The following ADAMTS18 variants were observed in gnomAD, a reference collection of about 807,000 sequenced individuals.
ADAMTS18 encodes ADAM metallopeptidase with thrombospondin type 1 motif 18, also known as A disintegrin and metalloproteinase with thrombospondin motifs 18.
In ADAMTS18, 157 loss-of-function variants were observed where a neutral mutation model predicts 165.9. The observed-to-expected ratio is 0.95, with a 90% CI of 0.83 to 1.08. The LOEUF is 1.08. Ranked by LOEUF, ADAMTS18 falls within the 50% of genes least tolerant of loss-of-function variation. The pLI is 0.00. For synonymous variants in ADAMTS18, 782 were observed against 578.2 expected, an observed-to-expected ratio of 1.35 and a Z score of -5.06; for missense variants, 2,040 against 1,534.0, an observed-to-expected ratio of 1.33 and a Z score of -5.51.
intron 3 of ADAMTS18, among the ~76,000 whole-genome samples, chr16:77,403,551 T>A (rs1317279082): frequency 1.3e-5 from 2 of 152,108 alleles, no homozygotes; most frequent in African/African-American, 4.8e-5. Flanking sequence ...TAAAAGTCAA[T>A]AGTAATAGTT....
chr16:77,320,207 T>TA, intron 15 of ADAMTS18, 114 bp from the exon 16 acceptor site: 1 of 1,272,606 alleles, frequency 7.9e-7, no homozygotes. Flanking sequence ...TTTAAATCAT[T>TA]ATCTAAATTC....
intron 11 of ADAMTS18, among the ~76,000 whole-genome samples, chr16:77,337,178 A>G (rs936668694): frequency 6.6e-6 from 1 of 152,196 alleles, no homozygotes; most frequent in Non-Finnish European, 1.5e-5. Context: ...ATGAAACCAT[A>G]TAACACTATT....
At chr16:77,375,345 G>T (rs890983379) in intron 3 of ADAMTS18, among the ~76,000 whole-genome samples, 1 of 151,930 alleles carries the variant, frequency 6.6e-6, no homozygotes, top group Non-Finnish European at 1.5e-5. Context: ...TCGCACCACC[G>T]CACTCCGGCC....
intron 22 of ADAMTS18, 70 bp downstream of exon 22, chr16:77,289,194 C>T: frequency 2.5e-6 from 4 of 1,579,494 alleles, no homozygotes; most frequent in South Asian, 1.1e-5. Flanking sequence ...GGCTGCACTA[C>T]TAACAAAGTA....
At chr16:77,306,766 GATAACGACATTA>G (rs1402015539) in intron 16 of ADAMTS18, among the ~76,000 whole-genome samples, 1 of 152,144 alleles carries the variant, frequency 6.6e-6, no homozygotes, top group Non-Finnish European at 1.5e-5. Context: ...ATTTAAAATT[GATAACGACATTA>G]AGAAGAAGGT....
At position 77,353,826 on chromosome 16, in the gene ADAMTS18, C is replaced by G. The variant is rs758355981; in HGVS notation, c.1521G>C (p.Pro507=). The change falls in exon 10 of 23, where the codon CCG becomes CCC. Residue 507 remains proline, a synonymous_variant. Coordinates refer to ENST00000282849, the MANE Select transcript of ADAMTS18 (RefSeq NM_199355.4). The part of the protein sequence containing the change: ...EPKQAGQYKY[P]DKLPGQIYDA... ...CATAAATCTGTCCTGGTAGTTTGTC[C>G]GGATATTTATACTGTCCTGCTTGCT... is the stretch of plus-strand genomic sequence containing the variant. 8.1e-6 allele frequency: 13 copies of G among 1,614,082 alleles called. No individual in the cohort carries two copies. In the South Asian group the frequency reaches 1.4e-4, roughly 18 times the overall value.
chr16:77,341,738 G>A lies in ADAMTS18; in HGVS notation c.1676C>T (p.Pro559Leu), dbSNP rs1211718742. The change falls in exon 11 of 23, where the codon CCC (proline) becomes CTC (leucine). Residue 559 changes from proline (P) to leucine (L), a missense_variant. By Grantham distance (98) the Pro-to-Leu change is moderately conservative (BLOSUM62 -3). Transcript: ENST00000282849. ...GCCACAAACGGTCCCTTCTGCTGCGGGCATAAACTTGGTCTCACACCTGTG... is the reference window on the plus strand; with the variant it reads ...GCCACAAACGGTCCCTTCTGCTGCGAGCATAAACTTGGTCTCACACCTGTG... Reference protein sequence around the residue: ...VGHRCETKFMPAAEGTVCGLS... With the variant: ...VGHRCETKFMLAAEGTVCGLS... 1 of 1,613,618 alleles carries A rather than the reference G, an allele frequency of 6.2e-7. No homozygotes were observed. The highest frequency in any genetic ancestry group is 8.5e-7 in the Non-Finnish European group (1 of 1,179,846).
At chr16:77,315,995 T>A (rs904804450) in intron 16 of ADAMTS18, among the ~76,000 whole-genome samples, 2 of 152,168 alleles carry the variant, frequency 1.3e-5, no homozygotes, top group African/African-American at 4.8e-5. Context: ...GGTAAAACCA[T>A]CCTCCAGATG....
intron 3 of ADAMTS18, among the ~76,000 whole-genome samples, chr16:77,402,173 T>A (rs2057340284): frequency 6.6e-6 from 1 of 152,226 alleles, no homozygotes; most frequent in Non-Finnish European, 1.5e-5. Context: ...CTCGGTCTCC[T>A]TCTAGAACCG....
At chr16:77,347,097 C>T (rs567845555) in intron 10 of ADAMTS18, among the ~76,000 whole-genome samples, 1 of 152,298 alleles carries the variant, frequency 6.6e-6, no homozygotes, top group Admixed American at 6.5e-5. Context: ...TTTCAGTCAT[C>T]CATGTTTTTG....
At position 77,337,904 on chromosome 16, in the gene ADAMTS18, TTTTC is replaced by T. The variant is rs975584393; in HGVS notation, c.1711-2004_1711-2001del. On this transcript the variant is annotated intron_variant, in intron 11 of 22. Coordinates refer to ENST00000282849, the MANE Select transcript of ADAMTS18 (RefSeq NM_199355.4). ...GTAATTTTATCCATCTTTTCTTTTCTTTTCTTTTTTTTTTTTTTGACAAAGTTTC... is the reference window on the plus strand; with the variant it reads ...GTAATTTTATCCATCTTTTCTTTTCTTTTTTTTTTTTTTTGACAAAGTTTC... Among the ~76,000 whole-genome samples, 246 of 119,026 alleles carry T rather than the reference TTTTC, an allele frequency of 2.1e-3. 1 individual carries two copies. Among genetic ancestry groups the T allele is most frequent in the East Asian group, 3.6e-3 (5 of 1,374 alleles). 78.1% of individuals were successfully genotyped at this position (119,026 alleles called of 152,430 possible).
rs1441235168 is a variant in ADAMTS18, at chr16:77,375,832, T to C, written c.496-8109A>G. 3.3e-5 allele frequency among the ~76,000 whole-genome samples: 5 copies of C among 152,154 alleles called. No homozygotes were observed. In the East Asian group the frequency reaches 9.7e-4, roughly 29 times the overall value. On this transcript the variant is annotated intron_variant, in intron 3 of 22. Coordinates refer to ENST00000282849, the MANE Select transcript of ADAMTS18 (RefSeq NM_199355.4). ...CATGACTGGAAGCCTCAGGAAACTT[T>C]CAAAACTTCCAATCATGGCAGAAGG...
At chr16:77,380,343 A>T (rs1264792371) in intron 3 of ADAMTS18, among the ~76,000 whole-genome samples, 1 of 152,224 alleles carries the variant, frequency 6.6e-6, no homozygotes, top group Admixed American at 6.5e-5. Context: ...TATTGATGAA[A>T]ATTGATTTAG....
rs1372464809 is a variant in ADAMTS18 at position 77,355,921 on chromosome 16, A to G, written c.1460+19T>C. On this transcript the variant is annotated intron_variant, in intron 9 of 22. Transcript: ENST00000282849. ...ATCACTCCAAACCTAGGAGCACCCC[A>G]GGATTTAACCTGTCATACCTGAGGA... is the stretch of plus-strand genomic sequence containing the variant. 4 of 1,613,908 alleles carry G rather than the reference A, an allele frequency of 2.5e-6. No individual in the cohort carries two copies. The highest frequency in any genetic ancestry group is 3.4e-6 in the Non-Finnish European group (4 of 1,179,810).
chr16:77,308,678 G>A (rs999054188), intron 16 of ADAMTS18, among the ~76,000 whole-genome samples: 19 of 151,648 alleles, frequency 1.3e-4, no homozygotes, highest in African/African-American at 4.1e-4. Flanking sequence ...TTAAACAAAG[G>A]ACAAAGTCAG....
At chr16:77,284,213 C>T (rs1479131761) in intron 22 of ADAMTS18, 142 bp from the exon 23 acceptor site, 3 of 629,944 alleles carry the variant, frequency 4.8e-6, no homozygotes, top group South Asian at 3.4e-5. Flanking sequence ...GCAATCTCTG[C>T]TGCCCAGGTT....
chr16:77,368,552 T>G (rs1597182138), intron 3 of ADAMTS18, among the ~76,000 whole-genome samples: 3 of 151,164 alleles, frequency 2.0e-5, no homozygotes, highest in African/African-American at 7.3e-5. Flanking sequence ...TCCTCCTGCC[T>G]CAGCCTCCTG....
chr16:77,368,362 C>G lies in ADAMTS18; in HGVS notation c.496-639G>C, dbSNP rs566270979. 1.7e-4 allele frequency among the ~76,000 whole-genome samples: 26 copies of G among 152,192 alleles called. No individual in the cohort carries two copies. In the South Asian group the frequency reaches 5.2e-3, roughly 30 times the overall value. ...TATGACCTGGCAGATGCCATGTTCA[C>G]CACTGGATAGAGTGATGAATATAAA... is the stretch of plus-strand genomic sequence containing the variant. On this transcript the variant is annotated intron_variant, in intron 3 of 22. Transcript: ENST00000282849.
chr16:77,427,140 C>T (rs1165528738), intron 3 of ADAMTS18, among the ~76,000 whole-genome samples: 3 of 152,198 alleles, frequency 2.0e-5, no homozygotes, highest in Non-Finnish European at 4.4e-5. Context: ...ATTAAAAATA[C>T]ACCTTCCTGT....
Sources: allele counts gnomAD v4.1 joint callset (sites outside exome capture counted in the v4.1 genomes callset), GRCh38; gene constraint gnomAD v4.1.1; transcripts MANE v1.5; gene names NCBI Gene and HGNC (gene_info 2026-07-23, HGNC 2026-07-21).